UTP15: variants seen among roughly 807,000 people sequenced by gnomAD.
UTP15 encodes the protein U3 small nucleolar RNA-associated protein 15 homolog.
In UTP15, 5 loss-of-function variants were observed where a neutral mutation model predicts 59.1. The ratio of observed to expected loss-of-function variants is 0.08; its 90% CI spans 0.04 to 0.18. The LOEUF is 0.18. Ranked by LOEUF, UTP15 falls within the 10% of genes least tolerant of loss-of-function variation. The pLI, the probability that UTP15 is intolerant of heterozygous loss-of-function variation, is 1.00. For missense variants in UTP15, 494 were observed against 616.7 expected, an observed-to-expected ratio of 0.80 and a Z score of 2.11; for synonymous variants, 211 against 212.2, an observed-to-expected ratio of 0.99 and a Z score of 0.05.
At chr5:73,575,276 T>C (rs1280446036) in intron 7 of UTP15, among the ~76,000 whole-genome samples, 1 of 152,234 alleles carries the variant, frequency 6.6e-6, no homozygotes, top group Non-Finnish European at 1.5e-5. Context: ...CTTAGGTATG[T>C]TCCTAAAAGC....
Position 73,568,304 on chromosome 5 carries a change from T to C in UTP15, c.160T>C (p.Tyr54His). 6.2e-7 allele frequency: 1 copy of C among 1,610,708 alleles called. No individual in the cohort carries two copies. Among genetic ancestry groups the C allele is most frequent in the South Asian group, 1.1e-5 (1 of 90,256 alleles). ...VDFSPQPPYN[Y>H]AVTASSRIHI... is the part of the protein sequence containing the mutation. ...CTTTTCTCCTCAGCCTCCATATAAT[T>C]ATGCTGTCACAGCTTCCTCAAGAGT... is the stretch of plus-strand genomic sequence containing the variant. Residue 54 changes from tyrosine to histidine, a missense_variant, in exon 3 of 13, where the codon TAT becomes CAT. Tyr to His is a moderately conservative substitution (Grantham distance 83, BLOSUM62 2). Coordinates refer to ENST00000296792, the MANE Select transcript of UTP15 (RefSeq NM_032175.4).
At chr5:73,571,890 T>G (rs112989188) in intron 6 of UTP15, among the ~76,000 whole-genome samples, 1,819 of 152,350 alleles carry the variant, frequency 0.012, 56 homozygotes, top group African/African-American at 0.041. Flanking sequence ...AGCTGTGTGC[T>G]GATCTCCACT....
At position 73,581,710 on chromosome 5, in the gene UTP15, A is replaced by G. The variant is rs1338306561; in HGVS notation, c.*1616A>G. ...TAAATAAACGTATTAAGTTTAACAT[A>G]TTAAATTAATTTAACATTTAGACTA... On this transcript the variant is annotated 3_prime_UTR_variant, in exon 13 of 13. Coordinates refer to ENST00000296792, the MANE Select transcript of UTP15 (RefSeq NM_032175.4). 1.3e-5 allele frequency: 2 copies of G among 151,876 alleles called. No individual in the cohort carries two copies. The highest frequency in any genetic ancestry group is 6.6e-5 in the Admixed American group (1 of 15,200). The allele number at this position is 151,876 out of a possible 1,614,324, so 9.4% of individuals were successfully genotyped here.
rs1166718926 is a variant in UTP15, at chr5:73,581,197, GGT to G, written c.*1107_*1108del. 1 of 152,028 alleles carries G rather than the reference GGT, an allele frequency of 6.6e-6. No individual in the cohort carries two copies. Among genetic ancestry groups the G allele is most frequent in the African/African-American group, 2.4e-5 (1 of 41,366 alleles). The allele number at this position is 152,028 out of a possible 1,614,324, so 9.4% of individuals were successfully genotyped here. ...AGCCTCCTGAGTAGCTGGGATTACA[GGT>G]GTGCCCCACCACGCCTGGCTAATTT... On this transcript the variant is annotated 3_prime_UTR_variant, in exon 13 of 13. Coordinates refer to ENST00000296792, the MANE Select transcript of UTP15 (RefSeq NM_032175.4).
chr5:73,568,375 A>G (rs908572436), intron 3 of UTP15, 45 bp from the exon 4 acceptor site: 2 of 1,596,242 alleles, frequency 1.3e-6, no homozygotes, highest in East Asian at 4.5e-5. Flanking sequence ...ATAGTTTACT[A>G]CTGATCTTGA....
chr5:73,572,713 A>G (rs1561277275), intron 7 of UTP15, 89 bp downstream of exon 7: 16 of 1,326,604 alleles, frequency 1.2e-5, no homozygotes, highest in Non-Finnish European at 1.3e-5. Context: ...TATTTGTGAT[A>G]AGTATACAGA....
At position 73,565,759 on chromosome 5, in the gene UTP15, A is replaced by C; in HGVS notation, c.-237A>C. ...TGCTCTGGTACGTCATCTTCGCGCGACGTTCGGTTCGCTGTGTGTGTCGCC... is the reference window on the plus strand; with the variant it reads ...TGCTCTGGTACGTCATCTTCGCGCGCCGTTCGGTTCGCTGTGTGTGTCGCC... On this transcript the variant is annotated 5_prime_UTR_variant, in exon 1 of 13. Transcript: ENST00000296792. 2.2e-6 allele frequency: 1 copy of C among 456,060 alleles called. No individual in the cohort carries two copies. Among genetic ancestry groups the C allele is most frequent in the Non-Finnish European group, 4.4e-6 (1 of 226,904 alleles). The allele number at this position is 456,060 out of a possible 1,614,324, so 28.3% of individuals were successfully genotyped here. A position where few individuals can be genotyped will look rare whatever the true frequency, so the allele number is the denominator to read the frequency against.
chr5:73,570,900 C>A lies in UTP15; in HGVS notation c.673+189C>A, dbSNP rs1409530148. ...TACCTAATGTGAGCCAGGCACTGTG[C>A]TGTTACATATGAACTCTAATGCCCT... On this transcript the variant is annotated intron_variant, in intron 6 of 12. Coordinates refer to ENST00000296792, the MANE Select transcript of UTP15 (RefSeq NM_032175.4). Among the ~76,000 whole-genome samples, 4 of 152,334 alleles carry A rather than the reference C, an allele frequency of 2.6e-5. No individual in the cohort carries two copies. In the East Asian group the frequency reaches 7.7e-4, roughly 29 times the overall value.
chr5:73,569,278 A>AT (rs11374170), intron 4 of UTP15, among the ~76,000 whole-genome samples: 57,084 of 151,652 alleles, frequency 0.38, 12,215 homozygotes, highest in East Asian at 0.66. Flanking sequence ...CTATCCTTTA[A>AT]TTTTTTTTAA....
chr5:73,577,308 C>T (rs1208936270), intron 8 of UTP15, among the ~76,000 whole-genome samples: 1 of 152,200 alleles, frequency 6.6e-6, no homozygotes, highest in African/African-American at 2.4e-5. Context: ...GTAAATCTCT[C>T]TTCAACTCAT....
intron 6 of UTP15, 42 bp from the exon 7 acceptor site, chr5:73,572,447 C>A (rs1346598867): frequency 1.2e-6 from 2 of 1,607,084 alleles, no homozygotes; most frequent in South Asian, 1.1e-5. Context: ...TATGTTGAAT[C>A]TGTGGGCAGA....
intron 11 of UTP15, 51 bp from the exon 12 acceptor site, chr5:73,579,266 A>AT (rs200416122): frequency 4.1e-4 from 598 of 1,461,290 alleles, no homozygotes; most frequent in Admixed American, 7.2e-4. Context: ...TGTTTTAAGG[A>AT]TTTTTTTTTT....
At chr5:73,566,129 A>G (rs1394839010) in intron 1 of UTP15, 3 of 308,970 alleles carry the variant, frequency 9.7e-6, no homozygotes, top group East Asian at 1.7e-4. Context: ...GTAATCAGCA[A>G]CTCTCCAAGG....
intron 5 of UTP15, 71 bp downstream of exon 5, chr5:73,569,746 CTT>C (rs1231102562): frequency 7.5e-7 from 1 of 1,333,374 alleles, no homozygotes; most frequent in Non-Finnish European, 9.9e-7. Context: ...CTATGGGACT[CTT>C]TTGGGATGGA....
intron 4 of UTP15, 21 bp from the exon 5 acceptor site, chr5:73,569,476 T>C (rs1486338536): frequency 2.6e-6 from 4 of 1,509,804 alleles, no homozygotes; most frequent in South Asian, 1.3e-5. Flanking sequence ...CTTTTTAATA[T>C]ACTGACCTTC....
chr5:73,580,052 C>G lies in UTP15; in HGVS notation c.1515C>G (p.His505Gln). ...RRKEGTSVLE[H>Q]TSDGFPENKK... ...AGGAAGGCACTTCTGTGTTGGAACA[C>G]ACATCTGATGGATTTCCAGAGAATA... Residue 505 changes from histidine to glutamine, a missense_variant, in exon 13 of 13, where the codon CAC becomes CAG. Transcript: ENST00000296792. 1.2e-6 allele frequency: 2 copies of G among 1,613,788 alleles called. No individual in the cohort carries two copies. The highest frequency in any genetic ancestry group is 1.7e-6 in the Non-Finnish European group (2 of 1,179,790).
Position 73,577,856 on chromosome 5 carries a change from C to T in UTP15, c.895C>T (p.His299Tyr), listed in dbSNP as rs1561279602. 1 of 1,576,338 alleles carries T rather than the reference C, an allele frequency of 6.3e-7. No homozygotes were observed. Among genetic ancestry groups the T allele is most frequent in the Middle Eastern group, 1.7e-4 (1 of 5,954 alleles). Reference sequence around the variant, plus strand: ...AACTTATTTTTCTAATTGTTATTAGCATGAAGATGAGACAATAGTTGTAGG... The same window carrying T: ...AACTTATTTTTCTAATTGTTATTAGTATGAAGATGAGACAATAGTTGTAGG... ...AASILSLALA[H>Y]EDETIVVGMT... The change falls in exon 9 of 13, where the codon CAT becomes TAT. Residue 299 changes from histidine to tyrosine, a missense_variant and splice_region_variant. By Grantham distance (83) the His-to-Tyr change is moderately conservative (BLOSUM62 2). Coordinates refer to ENST00000296792, the MANE Select transcript of UTP15 (RefSeq NM_032175.4).
At chr5:73,571,678 G>T (rs1393491977) in intron 6 of UTP15, among the ~76,000 whole-genome samples, 1 of 151,674 alleles carries the variant, frequency 6.6e-6, no homozygotes, top group Admixed American at 6.6e-5. Flanking sequence ...GCTCACGCCT[G>T]TAATCCTAGC....
chr5:73,576,469 A>G (rs1748098338), intron 7 of UTP15, among the ~76,000 whole-genome samples: 2 of 146,038 alleles, frequency 1.4e-5, no homozygotes, highest in South Asian at 2.2e-4. Context: ...TAGGGCTGGT[A>G]TACAGCTCTT....
Sources: allele counts gnomAD v4.1 joint callset (sites outside exome capture counted in the v4.1 genomes callset), GRCh38; gene constraint gnomAD v4.1.1; transcripts MANE v1.5; gene names NCBI Gene and HGNC (gene_info 2026-07-23, HGNC 2026-07-21).